Variants in MROH2B observed in about 807,000 individuals in gnomAD.
The protein encoded by MROH2B is maestro heat like repeat family member 2B.
MROH2B carries 177 observed loss-of-function variants against 208.6 expected under a neutral mutation model. That is an observed-to-expected ratio of 0.85 (90% CI 0.75 to 0.96). MROH2B has a LOEUF of 0.96. Ranked by LOEUF, MROH2B falls within the 40% of genes least tolerant of loss-of-function variation. The pLI is 0.00. For missense variants in MROH2B, 2,002 were observed against 1,878.7 expected (o/e 1.07, Z -1.21); for synonymous variants, 728 against 659.0 (o/e 1.10, Z -1.60).
Position 41,033,775 on chromosome 5 carries a change from G to A in MROH2B, c.2241+63C>T, listed in dbSNP as rs895869461. 28 of 979,462 alleles carry A rather than the reference G, an allele frequency of 2.9e-5. No homozygotes were observed. In the Admixed American group the frequency reaches 3.7e-4, roughly 13 times the overall value. The allele number at this position is 979,462 out of a possible 1,614,324, so 60.7% of individuals were successfully genotyped here. ...ACATCTTTGCTTGGCACACTTCAGG[G>A]GGGCATTATCTATCTATCTATCTAT... is the stretch of plus-strand genomic sequence containing the variant. On this transcript the variant is annotated intron_variant, in intron 22 of 41. Coordinates refer to ENST00000399564, the MANE Select transcript of MROH2B (RefSeq NM_173489.5).
At position 41,047,930 on chromosome 5, in the gene MROH2B, T is replaced by C. The variant is rs540735683; in HGVS notation, c.1685-166A>G. On this transcript the variant is annotated intron_variant, in intron 16 of 41. Coordinates refer to ENST00000399564, the MANE Select transcript of MROH2B (RefSeq NM_173489.5). The stretch of plus-strand genomic sequence containing the variant: ...TACTACACTGGCAACTTTAAAGTGC[T>C]AGGTAGAGAGAAGGTCTTCAATCTA... Among the ~76,000 whole-genome samples the C allele has an allele frequency of 2.0e-5, 3 of 152,358 alleles. No homozygotes were observed. The South Asian group carries it at 6.2e-4, about 32-fold the overall frequency.
At position 41,070,911 on chromosome 5, in the gene MROH2B, T is replaced by TA. The variant is rs1743970501; in HGVS notation, c.-60dup. Reference sequence around the variant, plus strand: ...ACCTAAGTATTAGAAATAGTAAGGCTAAAAAATCAAAGAGGCAGGTTGGCA... The same window carrying TA: ...ACCTAAGTATTAGAAATAGTAAGGCTAAAAAAATCAAAGAGGCAGGTTGGCA... On this transcript the variant is annotated 5_prime_UTR_variant, in exon 1 of 42. It introduces an in-frame stop codon into an upstream open reading frame of the 5' UTR. Transcript: ENST00000399564. The TA allele has an allele frequency of 1.3e-6, 2 of 1,569,950 alleles. No homozygotes were observed. The highest frequency in any genetic ancestry group is 1.7e-6 in the Non-Finnish European group (2 of 1,149,630).
intron 34 of MROH2B, among the ~76,000 whole-genome samples, chr5:41,006,235 T>C (rs1285042601): frequency 6.6e-6 from 1 of 151,798 alleles, no homozygotes; most frequent in East Asian, 1.9e-4. Flanking sequence ...TATGGAAAAA[T>C]GCTTAACATC....
At chr5:41,019,971 TC>T (rs1486857660) in intron 24 of MROH2B, among the ~76,000 whole-genome samples, 1 of 152,174 alleles carries the variant, frequency 6.6e-6, no homozygotes. Flanking sequence ...TTTTCTATGC[TC>T]CTTTGCAGGT....
intron 12 of MROH2B, among the ~76,000 whole-genome samples, chr5:41,051,871 A>C (rs1040760071): frequency 6.6e-6 from 1 of 152,220 alleles, no homozygotes; most frequent in African/African-American, 2.4e-5. Context: ...CTCCATCAGC[A>C]TACAGCTTTT....
In MROH2B at chr5:41,055,841, C is replaced by T; in HGVS notation, c.934G>A (p.Gly312Arg). Residue 312 changes from glycine (G) to arginine (R), a missense_variant, in exon 10 of 42, where the codon GGA (glycine) becomes AGA (arginine). By Grantham distance (125) the Gly-to-Arg change is moderately radical. Coordinates refer to ENST00000399564, the MANE Select transcript of MROH2B (RefSeq NM_173489.5). ...TCATCAAAAAATTCCATCAGCTCTC[C>T]AGGATTGGAATGGGCTGCAGGTTCA... Reference protein sequence around the residue: ...CFLILAHSNPGELMEFFDEQV... With the variant: ...CFLILAHSNPRELMEFFDEQV... 2 of 1,613,260 alleles carry T rather than the reference C, an allele frequency of 1.2e-6. No individual in the cohort carries two copies. Among genetic ancestry groups the T allele is most frequent in the Non-Finnish European group, 1.7e-6 (2 of 1,179,352 alleles).
intron 29 of MROH2B, among the ~76,000 whole-genome samples, chr5:41,014,623 A>G (rs1741878820): frequency 6.6e-6 from 1 of 152,172 alleles, no homozygotes; most frequent in Non-Finnish European, 1.5e-5. Flanking sequence ...AAGTTCCTTA[A>G]AAAGGCCCAG....
At position 41,052,575 on chromosome 5, in the gene MROH2B, C is replaced by A. The variant is rs539161164; in HGVS notation, c.1120G>T (p.Val374Phe). Residue 374 changes from valine to phenylalanine, a missense_variant, in exon 12 of 42, where the codon GTT becomes TTT. Transcript: ENST00000399564. ...CACATGGTTTGGATGAGGAGAAGAA[C>A]AGAATTTCTTACCTAGGGTAAGAAC... ...GDLSTKVRNS[V>F]LLLIQTMCEK... The A allele has an allele frequency of 3.1e-6, 5 of 1,608,372 alleles. No homozygotes were observed. The highest frequency in any genetic ancestry group is 2.7e-5 in the African/African-American group (2 of 74,800).
chr5:41,067,348 T>A (rs533375927), intron 2 of MROH2B, 130 bp from the exon 3 acceptor site: 1 of 596,142 alleles, frequency 1.7e-6, no homozygotes, highest in African/African-American at 1.9e-5. Flanking sequence ...ATATTATATG[T>A]CTTAATTGAG....
intron 1 of MROH2B, among the ~76,000 whole-genome samples, chr5:41,070,012 T>A (rs898308504): frequency 6.6e-6 from 1 of 152,192 alleles, no homozygotes; most frequent in Non-Finnish European, 1.5e-5. Flanking sequence ...TTCCTATGTA[T>A]CCCTCCAGGC....
chr5:41,054,529 A>G (rs1464939203), intron 11 of MROH2B, among the ~76,000 whole-genome samples: 2 of 152,160 alleles, frequency 1.3e-5, no homozygotes, highest in East Asian at 3.9e-4. Context: ...ATTTCCTGCA[A>G]TTATTTTAAA....
At chr5:41,034,705 A>G (rs747815229) in intron 21 of MROH2B, among the ~76,000 whole-genome samples, 3 of 152,158 alleles carry the variant, frequency 2.0e-5, no homozygotes, top group African/African-American at 4.8e-5. Context: ...GAAACCCTAA[A>G]AACTCCACCA....
chr5:41,034,379 A>G (rs1206556386), intron 21 of MROH2B, among the ~76,000 whole-genome samples: 1 of 152,136 alleles, frequency 6.6e-6, no homozygotes, highest in African/African-American at 2.4e-5. Context: ...GCTTGTGTGC[A>G]GTTTCCTCTG....
In MROH2B at chr5:40,998,599, G is replaced by A; in HGVS notation, c.4651+13C>T. 1 of 1,584,868 alleles carries A rather than the reference G, an allele frequency of 6.3e-7. No homozygotes were observed. Among genetic ancestry groups the A allele is most frequent in the East Asian group, 2.3e-5 (1 of 44,264 alleles). ...GTAACAATATGCTGGGAAGAAACTAGGTTGGTACTCACGTGTGGTCAGTTG... is the reference window on the plus strand; with the variant it reads ...GTAACAATATGCTGGGAAGAAACTAAGTTGGTACTCACGTGTGGTCAGTTG... On this transcript the variant is annotated intron_variant, in intron 41 of 41. Coordinates refer to ENST00000399564, the MANE Select transcript of MROH2B (RefSeq NM_173489.5).
At chr5:41,036,104 A>C (rs1410770826) in intron 21 of MROH2B, among the ~76,000 whole-genome samples, 1 of 150,176 alleles carries the variant, frequency 6.7e-6, no homozygotes, top group Non-Finnish European at 1.5e-5. Context: ...TGGATAAACA[A>C]TGTGGGAGAT....
rs533106758 is a variant in MROH2B, at chr5:41,046,132, A to G, written c.1729-279T>C. On this transcript the variant is annotated intron_variant, in intron 17 of 41. Transcript: ENST00000399564. ...TAAATATTGCTAAAAGACCTAAAAT[A>G]TAAACTAATCCAATCTGAAACTTAA... 7.2e-5 allele frequency among the ~76,000 whole-genome samples: 11 copies of G among 152,240 alleles called. No homozygotes were observed. In the South Asian group the frequency reaches 1.9e-3, roughly 26 times the overall value.
chr5:41,012,889 A>G (rs961436971), intron 29 of MROH2B, among the ~76,000 whole-genome samples, 154 bp from the exon 30 acceptor site: 2 of 152,250 alleles, frequency 1.3e-5, no homozygotes, highest in Non-Finnish European at 2.9e-5. Flanking sequence ...AAAATACTAG[A>G]ACAGGGCATA....
intron 14 of MROH2B, 56 bp downstream of exon 14, chr5:41,049,224 C>A (rs1743211523): frequency 6.2e-7 from 1 of 1,610,130 alleles, no homozygotes; most frequent in Non-Finnish European, 8.5e-7. Flanking sequence ...TGTAGCCTTC[C>A]TGGAAATGGA....
chr5:41,067,811 T>C (rs1463167440), intron 2 of MROH2B, among the ~76,000 whole-genome samples: 1 of 152,182 alleles, frequency 6.6e-6, no homozygotes, highest in Non-Finnish European at 1.5e-5. Flanking sequence ...TGCCATTCCA[T>C]GTCTTTTGAA....
Sources: allele counts gnomAD v4.1 joint callset (sites outside exome capture counted in the v4.1 genomes callset), GRCh38; gene constraint gnomAD v4.1.1; transcripts MANE v1.5; gene names NCBI Gene and HGNC (gene_info 2026-07-23, HGNC 2026-07-21).